MYH1: variants seen among roughly 807,000 people sequenced by gnomAD.
The protein encoded by MYH1 is myosin heavy chain 1, also known as myosin-1.
Under a neutral mutation model 225.6 loss-of-function variants are expected in MYH1, and 214 were observed. The observed-to-expected ratio is 0.95, with a 90% CI of 0.85 to 1.06. The LOEUF (loss-of-function observed/expected upper bound fraction) is 1.06, where lower values mean the gene tolerates loss of function less well. Among genes scored for constraint, MYH1 ranks in the 50% least tolerant of loss-of-function variants. The pLI is 0.00. For missense variants in MYH1, 2,098 were observed against 2,344.2 expected (o/e 0.89, Z 2.17); for synonymous variants, 774 against 842.3 (o/e 0.92, Z 1.40).
At chr17:10,510,389 T>G (rs972358010) in intron 14 of MYH1, among the ~76,000 whole-genome samples, 1 of 152,206 alleles carries the variant, frequency 6.6e-6, no homozygotes, top group Non-Finnish European at 1.5e-5. Flanking sequence ...CAGCTACCTT[T>G]GTAGGTGGTA....
In MYH1 at chr17:10,518,289, A is replaced by G. The variant is rs1368161904; in HGVS notation, c.-71-19T>C. 1 of 152,210 alleles carries G rather than the reference A, an allele frequency of 6.6e-6. No individual in the cohort carries two copies. Among genetic ancestry groups the G allele is most frequent in the Non-Finnish European group, 1.5e-5 (1 of 68,042 alleles). 9.4% of individuals were successfully genotyped at this position (152,210 alleles called of 1,614,324 possible). A position where few individuals can be genotyped will look rare whatever the true frequency, so the allele number is the denominator to read the frequency against. ...ATCAGAACTGTAAGAAAAAGAGCAA[A>G]CCTCTTCTGATTAAATTATAACAAT... On this transcript the variant is annotated intron_variant, in intron 1 of 39. Coordinates refer to ENST00000226207, the MANE Select transcript of MYH1 (RefSeq NM_005963.4).
At chr17:10,510,760 AAGT>A (rs1433957446) in intron 14 of MYH1, among the ~76,000 whole-genome samples, 2 of 148,962 alleles carry the variant, frequency 1.3e-5, no homozygotes, top group African/African-American at 4.9e-5. Context: ...CAGAGACAGA[AAGT>A]AGATTAGGGG....
chr17:10,502,836 C>T lies in MYH1; in HGVS notation c.3013G>A (p.Glu1005Lys). ...KLTKEKKALQEAHQQTLDDLQ... is the reference protein window; with the variant it reads ...KLTKEKKALQKAHQQTLDDLQ... Reference sequence around the variant, plus strand: ...TCATCCAGGGTCTGCTGGTGGGCCTCCTGGAGAGCCTTCTTCTCCTTGGTC... The same window carrying T: ...TCATCCAGGGTCTGCTGGTGGGCCTTCTGGAGAGCCTTCTTCTCCTTGGTC... The change falls in exon 24 of 40, where the codon GAG becomes AAG. Residue 1005 changes from glutamate (E) to lysine (K), a missense_variant. Coordinates refer to ENST00000226207, the MANE Select transcript of MYH1 (RefSeq NM_005963.4). 6.2e-7 allele frequency: 1 copy of T among 1,614,036 alleles called. No homozygotes were observed. The highest frequency in any genetic ancestry group is 1.1e-5 in the South Asian group (1 of 91,080).
chr17:10,516,010 TCAC>T lies in MYH1; in HGVS notation c.418_420del (p.Val140del). 1 of 1,614,228 alleles carries T rather than the reference TCAC, an allele frequency of 6.2e-7. No individual in the cohort carries two copies. Among genetic ancestry groups the T allele is most frequent in the Non-Finnish European group, 8.5e-7 (1 of 1,180,034 alleles). On this transcript the variant is annotated inframe_deletion, in exon 5 of 40. Coordinates refer to ENST00000226207, the MANE Select transcript of MYH1 (RefSeq NM_005963.4). Reference sequence around the variant, plus strand: ...TGGCGCTTTTTGCCTCGGTAGGCTGTCACCACCTCTGCATTATACACTGGCAAC... The same window carrying T: ...TGGCGCTTTTTGCCTCGGTAGGCTGTCACCTCTGCATTATACACTGGCAAC...
chr17:10,493,907 G>C (rs1567713828), intron 39 of MYH1, among the ~76,000 whole-genome samples: 1 of 152,088 alleles, frequency 6.6e-6, no homozygotes, highest in Non-Finnish European at 1.5e-5. Context: ...ATGTCTCTCT[G>C]CACCCACTTG....
Position 10,505,798 on chromosome 17 carries a change from C to T in MYH1, c.2174+14G>A. 1 of 1,613,504 alleles carries T rather than the reference C, an allele frequency of 6.2e-7. No homozygotes were observed. The highest frequency in any genetic ancestry group is 1.1e-5 in the South Asian group (1 of 90,902). ...AAAAACCTCTTAAAATAATTTACAGCAAAAATGTCTGACCTCTGTTTGAAG... is the reference window on the plus strand; with the variant it reads ...AAAAACCTCTTAAAATAATTTACAGTAAAAATGTCTGACCTCTGTTTGAAG... On this transcript the variant is annotated intron_variant, in intron 19 of 39. Coordinates refer to ENST00000226207, the MANE Select transcript of MYH1 (RefSeq NM_005963.4).
rs534435118 is a variant in MYH1, at chr17:10,508,074, A to T, written c.1898-118T>A. ...CTCTTGGTTGCCCAGGCTGGAGTGC[A>T]GTGGCGTGATCTCGGCTCACTGCAA... is the stretch of plus-strand genomic sequence containing the variant. On this transcript the variant is annotated intron_variant, in intron 16 of 39. Coordinates refer to ENST00000226207, the MANE Select transcript of MYH1 (RefSeq NM_005963.4). 8.5e-5 allele frequency: 73 copies of T among 855,310 alleles called. No homozygotes were observed. In the South Asian group the frequency reaches 1.1e-3, roughly 12 times the overall value. 53.0% of individuals were successfully genotyped at this position (855,310 alleles called of 1,614,324 possible).
At chr17:10,496,814 T>C (rs528688089) in intron 33 of MYH1, among the ~76,000 whole-genome samples, 1 of 152,362 alleles carries the variant, frequency 6.6e-6, no homozygotes, top group Non-Finnish European at 1.5e-5. Context: ...TTGTTGATTT[T>C]ATATGCTTTT....
chr17:10,509,388 G>A (rs2073149242), intron 15 of MYH1, 97 bp downstream of exon 15: 1 of 1,566,286 alleles, frequency 6.4e-7, no homozygotes, highest in Admixed American at 1.8e-5. Context: ...TTTTTCACAA[G>A]TAGAAATATT....
At chr17:10,512,241 C>G in intron 12 of MYH1, 49 bp from the exon 13 acceptor site, 1 of 1,593,964 alleles carries the variant, frequency 6.3e-7, no homozygotes, top group Non-Finnish European at 8.6e-7. Flanking sequence ...CTGGGACCCA[C>G]AGTTCAAAGG....
chr17:10,497,545 T>C (rs779882091), intron 31 of MYH1, 93 bp from the exon 32 acceptor site: 13 of 1,508,818 alleles, frequency 8.6e-6, no homozygotes, highest in Non-Finnish European at 1.1e-5. Flanking sequence ...TGAGGTGTTC[T>C]GGGACTGAAA....
Position 10,495,956 on chromosome 17 carries a change from G to A in MYH1, c.5163C>T (p.His1721=). The A allele has an allele frequency of 6.2e-7, 1 of 1,614,010 alleles. No homozygotes were observed. The highest frequency in any genetic ancestry group is 8.5e-7 in the Non-Finnish European group (1 of 1,180,008). Residue 1721 remains histidine (H), a synonymous_variant, in exon 35 of 40, where the codon CAC becomes CAT. Coordinates refer to ENST00000226207, the MANE Select transcript of MYH1 (RefSeq NM_005963.4). The stretch of plus-strand genomic sequence containing the variant: ...ATTCTATTATTACATGCACCTGGGT[G>A]TGCAGGAGCTGAACACGCTCACTGG... ...LDASERVQLL[H]TQNTSLINTK... is the part of the protein sequence containing the mutation.
chr17:10,497,734 C>T lies in MYH1; in HGVS notation c.4365G>A (p.Lys1455=). The stretch of plus-strand genomic sequence containing the variant: ...TTGAAGCAAAAACTGGAGAGAATAC[C>T]TTATCAAAGTTCCTTTGCTTTTTGT... ...ALDKKQRNFD[K]ILAEWKQKCE... The change falls in exon 31 of 40, where the codon AAG becomes AAA. Residue 1455 remains lysine, a splice_region_variant and synonymous_variant. Transcript: ENST00000226207. The T allele has an allele frequency of 6.2e-7, 1 of 1,613,568 alleles. No individual in the cohort carries two copies.
chr17:10,514,094 G>GT lies in MYH1; in HGVS notation c.563dup (p.Asn188LysfsTer55), dbSNP rs777193685. 1 of 1,614,162 alleles carries GT rather than the reference G, an allele frequency of 6.2e-7. No individual in the cohort carries two copies. Among genetic ancestry groups the GT allele is most frequent in the South Asian group, 1.1e-5 (1 of 91,088 alleles). Reference sequence around the variant, plus strand: ...CAAAGTACTGGATGACACGCTTGGTGTTCACAGTCTTCCCTGCGCCAGATT... The same window carrying GT: ...CAAAGTACTGGATGACACGCTTGGTGTTTCACAGTCTTCCCTGCGCCAGATT... On this transcript the variant is annotated frameshift_variant, in exon 7 of 40. Coordinates refer to ENST00000226207, the MANE Select transcript of MYH1 (RefSeq NM_005963.4). LOFTEE classifies it high-confidence loss of function.
At chr17:10,510,100 C>CA (rs2142274375) in intron 14 of MYH1, among the ~76,000 whole-genome samples, 1 of 151,980 alleles carries the variant, frequency 6.6e-6, no homozygotes, top group South Asian at 2.1e-4. Flanking sequence ...ACGTGGGCGA[C>CA]ACAGCTTACC....
At chr17:10,509,276 A>G (rs1483310655) in intron 15 of MYH1, among the ~76,000 whole-genome samples, 1 of 152,198 alleles carries the variant, frequency 6.6e-6, no homozygotes, top group Non-Finnish European at 1.5e-5. Context: ...TGTATTGCAA[A>G]CTGTGGGTAA....
rs774735806 is a variant in MYH1 at position 10,516,559 on chromosome 17, C to G, written c.84G>C (p.Gln28His). Residue 28 changes from glutamine to histidine, a missense_variant, in exon 3 of 40, where the codon CAG becomes CAC. Physicochemically the swap from Gln to His is conservative, Grantham distance 24. Coordinates refer to ENST00000226207, the MANE Select transcript of MYH1 (RefSeq NM_005963.4). ...RKSERERIEA[Q>H]NKPFDAKTSV... ...ATGTCTTGGCATCAAAAGGCTTGTT[C>G]TGGGCTTCAATTCGCTCCCTTTCAG... The G allele has an allele frequency of 4.3e-6, 7 of 1,614,072 alleles. No individual in the cohort carries two copies. In the African/African-American group the frequency reaches 8.0e-5, roughly 18 times the overall value.
intron 24 of MYH1, 79 bp from the exon 25 acceptor site, chr17:10,501,990 T>C (rs942237069): frequency 1.8e-5 from 25 of 1,362,910 alleles, no homozygotes; most frequent in African/African-American, 2.9e-5. Context: ...AAACATTATA[T>C]CTATGCAGCA....
intron 22 of MYH1, among the ~76,000 whole-genome samples, 182 bp from the exon 23 acceptor site, chr17:10,503,430 G>A (rs1180506287): frequency 6.6e-6 from 1 of 152,110 alleles, no homozygotes; most frequent in Non-Finnish European, 1.5e-5. Flanking sequence ...AGGAACTTAA[G>A]TCATAGTTCC....
Sources: allele counts gnomAD v4.1 joint callset (sites outside exome capture counted in the v4.1 genomes callset), GRCh38; gene constraint gnomAD v4.1.1; transcripts MANE v1.5; gene names NCBI Gene and HGNC (gene_info 2026-07-23, HGNC 2026-07-21).